BNC2: variants seen among roughly 807,000 people sequenced by gnomAD.
BNC2 encodes zinc finger protein basonuclin-2.
Under a neutral mutation model 76.3 loss-of-function variants are expected in BNC2, and 20 were observed. That is an observed-to-expected ratio of 0.26 (90% CI 0.18 to 0.38). The LOEUF (loss-of-function observed/expected upper bound fraction) is 0.38. BNC2 is among the 10% of genes least tolerant of loss of function. The probability of loss-of-function intolerance (pLI) is 1.00; values close to 1 mark genes in which losing one functional copy is unlikely to be tolerated. For missense variants in BNC2, 1,382 were observed against 1,399.8 expected, an observed-to-expected ratio of 0.99 and a Z score of 0.20; for synonymous variants, 582 against 514.8, an observed-to-expected ratio of 1.13 and a Z score of -1.77.
chr9:16,731,630 C>T (rs1440242459), intron 2 of BNC2, among the ~76,000 whole-genome samples: 1 of 152,146 alleles, frequency 6.6e-6, no homozygotes, highest in Non-Finnish European at 1.5e-5. Context: ...CTATAACATG[C>T]CTTTCATATA....
chr9:16,605,152 C>T (rs1429954077), intron 3 of BNC2, among the ~76,000 whole-genome samples: 6 of 152,194 alleles, frequency 3.9e-5, no homozygotes, highest in Non-Finnish European at 7.3e-5. Context: ...ATTGTGACCT[C>T]TATCTAATTC....
chr9:16,502,866 C>CA (rs2131807157), intron 5 of BNC2, among the ~76,000 whole-genome samples: 1 of 152,204 alleles, frequency 6.6e-6, no homozygotes, highest in Non-Finnish European at 1.5e-5. Context: ...GAGGGCAAAA[C>CA]AAAGGCATAA....
intron 6 of BNC2, among the ~76,000 whole-genome samples, chr9:16,430,436 A>G (rs1049454788): frequency 1.3e-5 from 2 of 152,232 alleles, no homozygotes; most frequent in African/African-American, 4.8e-5. Flanking sequence ...CTCATTTCTT[A>G]GAGGTATTGC....
intron 1 of BNC2, among the ~76,000 whole-genome samples, chr9:16,806,354 G>A (rs1817911177): frequency 6.6e-6 from 1 of 152,016 alleles, no homozygotes; most frequent in Admixed American, 6.6e-5. Context: ...GTGACAGAGT[G>A]AGGCTTAGTT....
At chr9:16,813,878 C>T (rs1034254894) in intron 1 of BNC2, among the ~76,000 whole-genome samples, 2 of 152,054 alleles carry the variant, frequency 1.3e-5, no homozygotes, top group Non-Finnish European at 2.9e-5. Flanking sequence ...GAAATAAAAG[C>T]AATGGGAATA....
intron 3 of BNC2, among the ~76,000 whole-genome samples, chr9:16,693,936 C>A (rs906235060): frequency 6.6e-6 from 1 of 152,212 alleles, no homozygotes; most frequent in East Asian, 1.9e-4. Flanking sequence ...GTTTGCTCCA[C>A]TCAGCTTCTC....
chr9:16,795,707 T>G (rs1217125387), intron 1 of BNC2, among the ~76,000 whole-genome samples: 1 of 152,192 alleles, frequency 6.6e-6, no homozygotes, highest in Non-Finnish European at 1.5e-5. Context: ...TTCATGATTG[T>G]CATGAGTTTG....
intron 1 of BNC2, among the ~76,000 whole-genome samples, chr9:16,832,638 T>A (rs1001049397): frequency 6.6e-6 from 1 of 152,166 alleles, no homozygotes; most frequent in Non-Finnish European, 1.5e-5. Context: ...CCAAAATACA[T>A]ATTTTTCCAT....
intron 1 of BNC2, among the ~76,000 whole-genome samples, chr9:16,841,671 T>C (rs1410246567): frequency 6.6e-6 from 1 of 152,184 alleles, no homozygotes; most frequent in Non-Finnish European, 1.5e-5. Flanking sequence ...TTGAAAATGT[T>C]TAAACACTTA....
chr9:16,778,416 A>G (rs1826029166), intron 1 of BNC2, among the ~76,000 whole-genome samples: 1 of 152,198 alleles, frequency 6.6e-6, no homozygotes, highest in Non-Finnish European at 1.5e-5. Flanking sequence ...ACTACCAACA[A>G]TGATCATAAT....
At chr9:16,698,240 C>T (rs1412643032) in intron 3 of BNC2, among the ~76,000 whole-genome samples, 1 of 152,032 alleles carries the variant, frequency 6.6e-6, no homozygotes, top group African/African-American at 2.4e-5. Context: ...CCTTCCCTAG[C>T]AGTATCACAT....
intron 5 of BNC2, among the ~76,000 whole-genome samples, chr9:16,540,598 G>C (rs1434352258): frequency 6.6e-6 from 1 of 152,128 alleles, no homozygotes; most frequent in Non-Finnish European, 1.5e-5. Flanking sequence ...CTACAAAAAA[G>C]TGTATATGTA....
intron 5 of BNC2, among the ~76,000 whole-genome samples, chr9:16,463,295 T>C (rs1469027085): frequency 1.1e-4 from 2 of 18,564 alleles, no homozygotes; most frequent in Non-Finnish European, 1.7e-4. Context: ...TATTAAATTC[T>C]TTTTTTTTTT....
chr9:16,822,305 T>C (rs1490467679), intron 1 of BNC2, among the ~76,000 whole-genome samples: 2 of 152,122 alleles, frequency 1.3e-5, no homozygotes, highest in African/African-American at 4.8e-5. Context: ...CATTACCTCC[T>C]ATTACCCTAA....
chr9:16,509,151 C>G lies in BNC2; in HGVS notation c.669+43379G>C, dbSNP rs540452013. Among the ~76,000 whole-genome samples the G allele has an allele frequency of 9.9e-5, 15 of 152,200 alleles. No individual in the cohort carries two copies. In the South Asian group the frequency reaches 2.9e-3, roughly 29 times the overall value. The stretch of plus-strand genomic sequence containing the variant: ...AATGTTTTGCACATCTTAAACTCAC[C>G]CCAAATGTCCACTTCATCTTCAGCA... On this transcript the variant is annotated intron_variant, in intron 5 of 6. Transcript: ENST00000380672.
intron 5 of BNC2, among the ~76,000 whole-genome samples, chr9:16,458,079 C>T (rs1248844081): frequency 6.6e-6 from 1 of 152,060 alleles, no homozygotes; most frequent in Non-Finnish European, 1.5e-5. Flanking sequence ...TTAGTGCCCT[C>T]TACGGTGTCC....
chr9:16,510,702 G>C (rs556234198), intron 5 of BNC2, among the ~76,000 whole-genome samples: 306 of 152,322 alleles, frequency 2.0e-3, no homozygotes, highest in African/African-American at 7.0e-3. Flanking sequence ...GGAAGGTGTA[G>C]AGGAAATTCC....
chr9:16,489,977 T>C (rs1046369972), intron 5 of BNC2, among the ~76,000 whole-genome samples: 1 of 152,154 alleles, frequency 6.6e-6, no homozygotes, highest in African/African-American at 2.4e-5. Context: ...TGTTTCTCCT[T>C]CCCTCAAAAA....
intron 3 of BNC2, among the ~76,000 whole-genome samples, chr9:16,608,620 C>G (rs538849908): frequency 1.3e-5 from 2 of 152,258 alleles, no homozygotes; most frequent in Admixed American, 6.5e-5. Context: ...ATCTTCCTGC[C>G]TCAGCCTCCC....
Sources: allele counts gnomAD v4.1 joint callset (sites outside exome capture counted in the v4.1 genomes callset), GRCh38; gene constraint gnomAD v4.1.1; transcripts MANE v1.5; gene names NCBI Gene and HGNC (gene_info 2026-07-23, HGNC 2026-07-21).